The following GLRA2 variants were observed in gnomAD, a reference collection of about 807,000 sequenced individuals.
GLRA2 encodes glycine receptor alpha 2, also known as glycine receptor subunit alpha-2.
In GLRA2, 11 loss-of-function variants were observed where a neutral mutation model predicts 31.6. The ratio of observed to expected loss-of-function variants is 0.35; its 90% CI spans 0.22 to 0.58. The LOEUF is 0.58. Among genes scored for constraint, GLRA2 ranks in the 20% least tolerant of loss-of-function variants. GLRA2 has a pLI of 0.84. For missense variants in GLRA2, 212 were observed against 351.8 expected (o/e 0.60, Z 3.18); for synonymous variants, 132 against 134.0 (o/e 0.99, Z 0.10).
the GLRA2 span, among the ~76,000 whole-genome samples, chrX:14,506,988 AC>A: frequency 9.0e-6 from 1 of 110,873 alleles, no homozygotes; most frequent in Non-Finnish European, 1.9e-5. Context: ...AGGACACTAA[AC>A]AAAAGGAAAA....
chrX:14,507,689 C>T, the GLRA2 span, among the ~76,000 whole-genome samples: 214 of 46,477 alleles, frequency 4.6e-3, no homozygotes, highest in Non-Finnish European at 6.1e-3. Flanking sequence ...GAAAGACATT[C>T]TTTTTTTTTT....
rs55910036 is a variant in GLRA2 at position 14,730,891 on chromosome X, TACACACACACACAC to T, written c.*452_*465del. The T allele has an allele frequency of 0.053, 5,161 of 97,519 alleles. 194 individuals carry two copies. The highest frequency in any genetic ancestry group is 0.096 in the African/African-American group (2,091 of 21,815). 8.0% of individuals were successfully genotyped at this position (97,519 alleles called of 1,213,427 possible). On this transcript the variant is annotated 3_prime_UTR_variant, in exon 9 of 9. Transcript: ENST00000218075. ...AATTCTGGTACTGAAAAGTTAGCTATACACACACACACACACACACACACACACACACACACACA... is the reference window on the plus strand; with the variant it reads ...AATTCTGGTACTGAAAAGTTAGCTATACACACACACACACACACACACACA...
intron 7 of GLRA2, among the ~76,000 whole-genome samples, chrX:14,638,148 A>G (rs1409720884): frequency 1.8e-5 from 2 of 111,308 alleles, no homozygotes; most frequent in Admixed American, 1.9e-4. Context: ...TAAAAGGGTA[A>G]CAAAACAACT....
chrX:14,648,271 ATAAT>A (rs2090853634), intron 7 of GLRA2, among the ~76,000 whole-genome samples: 1 of 112,081 alleles, frequency 8.9e-6, no homozygotes, highest in African/African-American at 3.2e-5. Flanking sequence ...ATTTAAATAA[ATAAT>A]CACGTACTCT....
At chrX:14,707,292 G>C (rs748146124) in intron 8 of GLRA2, among the ~76,000 whole-genome samples, 11 of 111,589 alleles carry the variant, frequency 9.9e-5, no homozygotes, top group South Asian at 7.6e-4. Flanking sequence ...TGGGTGATTA[G>C]AGTCATGGCC....
intron 2 of GLRA2, among the ~76,000 whole-genome samples, chrX:14,540,668 A>G: frequency 9.0e-6 from 1 of 111,464 alleles, no homozygotes; most frequent in Non-Finnish European, 1.9e-5. Context: ...TGACAAATTT[A>G]GTAAGCCTTC....
chrX:14,464,375 G>T, the GLRA2 span, among the ~76,000 whole-genome samples: 1 of 110,554 alleles, frequency 9.0e-6, no homozygotes, highest in Non-Finnish European at 1.9e-5. Context: ...AGAGGTGGGG[G>T]TCTAGTTTTA....
chrX:14,545,509 G>A (rs188082483), intron 2 of GLRA2, among the ~76,000 whole-genome samples: 2 of 111,534 alleles, frequency 1.8e-5, no homozygotes, highest in Admixed American at 1.9e-4. Context: ...TTCAACACAT[G>A]AGCTTTGGGG....
intron 8 of GLRA2, among the ~76,000 whole-genome samples, chrX:14,705,747 C>T (rs2091611872): frequency 8.9e-6 from 1 of 112,065 alleles, no homozygotes; most frequent in Non-Finnish European, 1.9e-5. Flanking sequence ...TATAGCAAAT[C>T]AGGGATCCAA....
chrX:14,515,121 C>T, the GLRA2 span, among the ~76,000 whole-genome samples: 3 of 111,032 alleles, frequency 2.7e-5, no homozygotes, highest in African/African-American at 6.5e-5. Context: ...TTATTTCACT[C>T]GTGTTTTGTT....
At chrX:14,683,236 G>C (rs758503524) in intron 7 of GLRA2, among the ~76,000 whole-genome samples, 3 of 111,423 alleles carry the variant, frequency 2.7e-5, no homozygotes, top group East Asian at 2.8e-4. Flanking sequence ...TTTTAATGAT[G>C]GCCATTCTAA....
intron 7 of GLRA2, among the ~76,000 whole-genome samples, chrX:14,685,722 C>T (rs1601831228): frequency 9.0e-6 from 1 of 110,626 alleles, no homozygotes; most frequent in South Asian, 3.8e-4. Flanking sequence ...TCTTAGTCTT[C>T]CTAGTGGTCT....
At chrX:14,457,730 G>A in the GLRA2 span, among the ~76,000 whole-genome samples, 1 of 111,036 alleles carries the variant, frequency 9.0e-6, no homozygotes, top group Non-Finnish European at 1.9e-5. Flanking sequence ...TGGGATTGCT[G>A]GGTCAAATGG....
At chrX:14,694,407 AAAG>A (rs776523410) in intron 8 of GLRA2, among the ~76,000 whole-genome samples, 47 of 112,311 alleles carry the variant, frequency 4.2e-4, no homozygotes, top group Middle Eastern at 4.6e-3. Flanking sequence ...TGAGAGGGAC[AAAG>A]AAGTAGAAAA....
chrX:14,684,201 C>T (rs1251332471), intron 7 of GLRA2, among the ~76,000 whole-genome samples: 6 of 111,229 alleles, frequency 5.4e-5, no homozygotes, highest in Non-Finnish European at 1.1e-4. Context: ...CAGTACCATG[C>T]TGTTTTGGTT....
chrX:14,495,931 G>C, the GLRA2 span, among the ~76,000 whole-genome samples: 4 of 111,010 alleles, frequency 3.6e-5, no homozygotes, highest in Admixed American at 1.9e-4. Flanking sequence ...ACTTGAGCTG[G>C]TGGTTTTCAG....
chrX:14,526,346 G>A (rs2089187346), upstream of GLRA2, among the ~76,000 whole-genome samples: 1 of 112,567 alleles, frequency 8.9e-6, no homozygotes, highest in African/African-American at 3.2e-5. Flanking sequence ...AAATATCAAT[G>A]GAGAACCATA....
At chrX:14,458,776 T>A in the GLRA2 span, among the ~76,000 whole-genome samples, 14 of 111,755 alleles carry the variant, frequency 1.3e-4, no homozygotes, top group Non-Finnish European at 1.7e-4. Context: ...ATATTAGCCC[T>A]TTGTCAGATG....
At chrX:14,543,941 T>C (rs1016272652) in intron 2 of GLRA2, among the ~76,000 whole-genome samples, 1 of 111,706 alleles carries the variant, frequency 9.0e-6, no homozygotes, top group African/African-American at 3.2e-5. Context: ...AAATGTAGTT[T>C]TGGTAAAATC....
Sources: allele counts gnomAD v4.1 joint callset (sites outside exome capture counted in the v4.1 genomes callset), GRCh38; gene constraint gnomAD v4.1.1; transcripts MANE v1.5; gene names NCBI Gene and HGNC (gene_info 2026-07-23, HGNC 2026-07-21).